The following ABHD18 variants were observed in gnomAD, a reference collection of about 807,000 sequenced individuals.
The protein encoded by ABHD18 is abhydrolase domain containing 18.
Under a neutral mutation model 65.9 loss-of-function variants are expected in ABHD18, and 55 were observed. The observed-to-expected ratio is 0.84, with a 90% CI of 0.67 to 1.05. The LOEUF (loss-of-function observed/expected upper bound fraction) is 1.05. Among genes scored for constraint, ABHD18 ranks in the 50% least tolerant of loss-of-function variants. The pLI, the probability that ABHD18 is intolerant of heterozygous loss-of-function variation, is 0.00. For missense variants in ABHD18, 533 were observed against 558.5 expected, an observed-to-expected ratio of 0.95 and a Z score of 0.46; for synonymous variants, 181 against 180.2, an observed-to-expected ratio of 1.00 and a Z score of -0.04.
intron 7 of ABHD18, 109 bp from the exon 8 acceptor site, chr4:128,017,254 C>A: frequency 9.8e-7 from 1 of 1,018,102 alleles, no homozygotes; most frequent in Non-Finnish European, 1.4e-6. Context: ...ACTTAACTAT[C>A]TGGTCCTTTA....
chr4:128,035,700 G>T, intron 12 of ABHD18, 62 bp from the exon 13 acceptor site: 2 of 940,196 alleles, frequency 2.1e-6, no homozygotes, highest in Non-Finnish European at 3.3e-6. Flanking sequence ...TTACAGTAAA[G>T]GCATTGTTTG....
intron 1 of ABHD18, among the ~76,000 whole-genome samples, chr4:127,966,801 C>G (rs1330820569): frequency 2.1e-5 from 3 of 143,900 alleles, no homozygotes; most frequent in African/African-American, 7.7e-5. Context: ...AGGAGAATCC[C>G]TTGAACCCGG....
At chr4:127,983,821 C>T (rs985161167) in intron 2 of ABHD18, among the ~76,000 whole-genome samples, 2 of 151,842 alleles carry the variant, frequency 1.3e-5, no homozygotes, top group Non-Finnish European at 2.9e-5. Context: ...GCCGAGATCG[C>T]GCTACTGCAC....
Position 128,028,458 on chromosome 4 carries a change from T to C in ABHD18, c.802-17T>C. On this transcript the variant is annotated splice_polypyrimidine_tract_variant and intron_variant, in intron 10 of 12. Transcript: ENST00000645843. ...ATTTTATATTAAATAATGTTTTCTT[T>C]CCTTTCATATGTTCAGACAGATTCT... 1 of 1,459,342 alleles carries C rather than the reference T, an allele frequency of 6.9e-7. No individual in the cohort carries two copies. The highest frequency in any genetic ancestry group is 9.0e-7 in the Non-Finnish European group (1 of 1,107,228). 90.4% of individuals were successfully genotyped at this position (1,459,342 alleles called of 1,614,324 possible). A position where few individuals can be genotyped will look rare whatever the true frequency, so the allele number is the denominator to read the frequency against.
At chr4:128,011,140 G>A (rs1731020495) in intron 6 of ABHD18, among the ~76,000 whole-genome samples, 1 of 151,276 alleles carries the variant, frequency 6.6e-6, no homozygotes, top group African/African-American at 2.4e-5. Context: ...GCTGAATTAT[G>A]TGATATATGA....
chr4:127,969,327 A>G (rs540909198), intron 1 of ABHD18, among the ~76,000 whole-genome samples: 2 of 150,600 alleles, frequency 1.3e-5, no homozygotes, highest in South Asian at 2.1e-4. Flanking sequence ...TCAACCTCCC[A>G]AGTAGCTGGG....
At chr4:127,991,930 C>T (rs1280294471) in intron 4 of ABHD18, among the ~76,000 whole-genome samples, 1 of 152,126 alleles carries the variant, frequency 6.6e-6, no homozygotes, top group Non-Finnish European at 1.5e-5. Flanking sequence ...AAGTTGTAGT[C>T]AGCTGTCCAT....
chr4:128,003,458 G>A (rs1753037173), intron 4 of ABHD18, among the ~76,000 whole-genome samples: 1 of 149,778 alleles, frequency 6.7e-6, no homozygotes, highest in Non-Finnish European at 1.5e-5. Flanking sequence ...AATAAAAAGA[G>A]AAGTATAGCT....
intron 6 of ABHD18, among the ~76,000 whole-genome samples, chr4:128,010,886 C>T (rs1180148548): frequency 7.3e-5 from 10 of 136,350 alleles, no homozygotes; most frequent in Non-Finnish European, 1.2e-4. Context: ...GCCTGGGCGA[C>T]GGAGCAAGAC....
chr4:127,989,912 A>T, intron 4 of ABHD18, 91 bp downstream of exon 4: 1 of 746,010 alleles, frequency 1.3e-6, no homozygotes, highest in East Asian at 2.8e-5. Flanking sequence ...ATTAGGAGTA[A>T]CAAGGCAGGC....
intron 4 of ABHD18, among the ~76,000 whole-genome samples, chr4:128,003,861 T>C (rs955186644): frequency 7.3e-5 from 11 of 151,246 alleles, no homozygotes; most frequent in Non-Finnish European, 1.6e-4. Flanking sequence ...TGACGATCGC[T>C]TGAGCCTGGG....
intron 4 of ABHD18, among the ~76,000 whole-genome samples, chr4:127,996,081 G>C (rs1261774903): frequency 6.6e-6 from 1 of 152,232 alleles, no homozygotes; most frequent in East Asian, 1.9e-4. Context: ...GTTGAAAGGA[G>C]TGTGGATGAG....
chr4:128,022,859 A>G (rs966846147), intron 10 of ABHD18, among the ~76,000 whole-genome samples: 1 of 148,794 alleles, frequency 6.7e-6, no homozygotes, highest in African/African-American at 2.5e-5. Flanking sequence ...CAACCTCCGC[A>G]TCCCAGATTC....
At chr4:128,017,273 G>T (rs915089348) in intron 7 of ABHD18, 90 bp from the exon 8 acceptor site, 6 of 1,216,312 alleles carry the variant, frequency 4.9e-6, no homozygotes, top group Non-Finnish European at 7.0e-6. Context: ...TAGAAGAGAT[G>T]CATGAAGTCT....
In ABHD18 at chr4:128,031,061, A is replaced by G. The variant is rs1016751360; in HGVS notation, c.1343+389A>G. On this transcript the variant is annotated intron_variant, in intron 12 of 12. Transcript: ENST00000645843. ...TGAACATCTGTGGAATAATTTAGCA[A>G]TGTTTTTCAGTTAGCAAGTGAATAT... 6 of 996,706 alleles carry G rather than the reference A, an allele frequency of 6.0e-6. No individual in the cohort carries two copies. In the African/African-American group the frequency reaches 7.0e-5, roughly 12 times the overall value. The allele number at this position is 996,706 out of a possible 1,614,324, so 61.7% of individuals were successfully genotyped here.
At chr4:128,012,743 AG>A (rs983677570) in intron 7 of ABHD18, among the ~76,000 whole-genome samples, 1 of 151,974 alleles carries the variant, frequency 6.6e-6, no homozygotes, top group African/African-American at 2.4e-5. Context: ...AAGCGTCAGG[AG>A]GGGAGAGTAG....
intron 4 of ABHD18, among the ~76,000 whole-genome samples, chr4:127,995,004 CT>C (rs1751509916): frequency 6.6e-6 from 1 of 152,106 alleles, no homozygotes. Context: ...CTCAGCCTCC[CT>C]AGTAGCTGGG....
At position 128,020,274 on chromosome 4, in the gene ABHD18, T is replaced by C. The variant is rs1756271143; in HGVS notation, c.699+105T>C. The C allele has an allele frequency of 4.0e-6, 3 of 758,060 alleles. No homozygotes were observed. In the South Asian group the frequency reaches 4.7e-5, roughly 12 times the overall value. The allele number at this position is 758,060 out of a possible 1,614,324, so 47.0% of individuals were successfully genotyped here. A position where few individuals can be genotyped will look rare whatever the true frequency, so the allele number is the denominator to read the frequency against. On this transcript the variant is annotated intron_variant, in intron 9 of 12. Coordinates refer to ENST00000645843, the MANE Select transcript of ABHD18 (RefSeq NM_001358451.3). Reference sequence around the variant, plus strand: ...CAGCTTTGGTGATTCAAAGAAAGAATTATAGGACTCAGGATATAGTCGTAA... The same window carrying C: ...CAGCTTTGGTGATTCAAAGAAAGAACTATAGGACTCAGGATATAGTCGTAA...
At chr4:128,022,436 G>A (rs143234077) in intron 10 of ABHD18, among the ~76,000 whole-genome samples, 1 of 152,238 alleles carries the variant, frequency 6.6e-6, no homozygotes, top group African/African-American at 2.4e-5. Flanking sequence ...GGATCTAAAG[G>A]CTTGATTAAA....
Sources: gnomAD v4.1 joint callset for allele counts (sites outside exome capture counted in the v4.1 genomes callset) on GRCh38, gnomAD v4.1.1 for gene constraint, MANE v1.5 for transcripts, NCBI Gene and HGNC (gene_info 2026-07-23, HGNC 2026-07-21) for gene names.